Variants in RBMX observed in about 807,000 individuals in gnomAD.
RBMX encodes RNA binding motif protein X-linked.
RBMX carries 1 observed loss-of-function variant against 29.3 expected under a neutral mutation model. That is an observed-to-expected ratio of 0.03 (90% CI 0.01 to 0.16). The LOEUF (loss-of-function observed/expected upper bound fraction) is 0.16, where lower values mean the gene tolerates loss of function less well. RBMX is among the 10% of genes least tolerant of loss of function. RBMX has a pLI of 1.00. For missense variants in RBMX, 121 were observed against 333.2 expected, an observed-to-expected ratio of 0.36 and a Z score of 4.96; for synonymous variants, 102 against 102.3, an observed-to-expected ratio of 1.00 and a Z score of 0.02.
chrX:136,877,819 G>A (rs1414142719), intron 4 of RBMX, 96 bp downstream of exon 4: 26 of 870,852 alleles, frequency 3.0e-5, no homozygotes, highest in South Asian at 7.1e-5. Context: ...TCAAAAGTTG[G>A]CACCTTTCCT....
intron 4 of RBMX, among the ~76,000 whole-genome samples, chrX:136,877,247 G>A (rs768162658): frequency 2.0e-5 from 2 of 101,934 alleles, no homozygotes; most frequent in African/African-American, 3.6e-5. Flanking sequence ...CAGGACAATC[G>A]CCTGAACCTG....
chrX:136,875,005 GCAC>G, intron 8 of RBMX, 78 bp downstream of exon 8: 1 of 1,165,488 alleles, frequency 8.6e-7, no homozygotes. Context: ...TTAAAAGCAA[GCAC>G]CACACAGCCT....
chrX:136,876,080 G>A (rs920179300), intron 5 of RBMX, among the ~76,000 whole-genome samples: 1 of 107,219 alleles, frequency 9.3e-6, no homozygotes, highest in African/African-American at 3.4e-5. Flanking sequence ...GATTACAGGC[G>A]TGAGCCACCG....
downstream of RBMX, among the ~76,000 whole-genome samples, chrX:136,870,882 G>A (rs1472424000): frequency 2.9e-5 from 3 of 102,672 alleles, no homozygotes; most frequent in Admixed American, 1.1e-4. Context: ...CGAGGCGGGC[G>A]GATCACCTGA....
rs1180595054 is a variant in RBMX at position 136,873,500 on chromosome X, G to A, written c.*642C>T. 1.3e-6 allele frequency: 1 copy of A among 751,373 alleles called. No homozygotes were observed. The highest frequency in any genetic ancestry group is 2.3e-5 in the African/African-American group (1 of 43,284). The allele number at this position is 751,373 out of a possible 1,213,427, so 61.9% of individuals were successfully genotyped here. On this transcript the variant is annotated 3_prime_UTR_variant, in exon 9 of 9. Transcript: ENST00000320676. The stretch of plus-strand genomic sequence containing the variant: ...ACTTTTTATTTAGTATTCTGTAGTT[G>A]TTTAACACACACTTAAATGGTCTTA...
intron 4 of RBMX, 72 bp downstream of exon 4, chrX:136,877,843 A>G: frequency 9.7e-7 from 1 of 1,033,390 alleles, no homozygotes; most frequent in Non-Finnish European, 1.3e-6. Context: ...GGACTTAACC[A>G]AAGCATCCAC....
intron 4 of RBMX, among the ~76,000 whole-genome samples, chrX:136,877,703 T>C (rs1007465505): frequency 8.9e-5 from 10 of 112,044 alleles, no homozygotes; most frequent in Non-Finnish European, 5.6e-5. Context: ...AGTGAACTAC[T>C]TGGACAAGAA....
Position 136,875,322 on chromosome X carries a change from C to A in RBMX, c.718G>T (p.Asp240Tyr). 8.3e-7 allele frequency: 1 copy of A among 1,211,617 alleles called. No individual in the cohort carries two copies. Among genetic ancestry groups the A allele is most frequent in the Non-Finnish European group, 1.1e-6 (1 of 895,445 alleles). ...DTRDYAPPPR[D>Y]YTYRDYGHSS... ...TGACCATAATCACGGTAAGTATAAT[C>A]TCGTGGTGGTGGTGCATAATCTCTA... The change falls in exon 7 of 9, where the codon GAT becomes TAT. Residue 240 changes from aspartate (D) to tyrosine (Y), a missense_variant. Physicochemically the swap from Asp to Tyr is radical, Grantham distance 160 (BLOSUM62 -3). Transcript: ENST00000320676.
chrX:136,875,810 T>TC (rs1203200725), intron 5 of RBMX, among the ~76,000 whole-genome samples: 1 of 110,906 alleles, frequency 9.0e-6, no homozygotes, highest in Non-Finnish European at 1.9e-5. Flanking sequence ...AGTTTTGTTT[T>TC]TTTTTTTTGA....
intron 8 of RBMX, 108 bp from the exon 9 acceptor site, chrX:136,874,560 T>G (rs1302745673): frequency 1.0e-6 from 1 of 978,109 alleles, no homozygotes; most frequent in African/African-American, 1.9e-5. Context: ...CTTTCTCAAC[T>G]GGGTGGGAGG....
intron 8 of RBMX, chrX:136,874,739 A>AT: frequency 2.6e-6 from 1 of 386,158 alleles, no homozygotes; most frequent in Admixed American, 5.3e-5. Flanking sequence ...CTTTCCAGTG[A>AT]TAAGTTGCAA....
chrX:136,879,197 G>C, intron 2 of RBMX, 74 bp from the exon 3 acceptor site: 1 of 1,204,943 alleles, frequency 8.3e-7, no homozygotes, highest in South Asian at 1.8e-5. Context: ...TGTGTAAACA[G>C]AAAGCTCAGA....
intron 4 of RBMX, 61 bp from the exon 5 acceptor site, chrX:136,876,716 GTT>G (rs199725935): frequency 7.1e-4 from 565 of 801,037 alleles, no homozygotes; most frequent in East Asian, 1.3e-3. Flanking sequence ...AGATATAAAA[GTT>G]TTTTTTTTTT....
intron 3 of RBMX, among the ~76,000 whole-genome samples, chrX:136,878,349 A>C (rs370016704): frequency 1.9e-4 from 21 of 111,479 alleles, no homozygotes; most frequent in African/African-American, 6.8e-4. Context: ...AAAATTTAAA[A>C]CAAGGCCAAG....
In RBMX at chrX:136,876,510, T is replaced by A. The variant is rs2077731682; in HGVS notation, c.534A>T (p.Gly178=). 1.7e-6 allele frequency: 2 copies of A among 1,182,731 alleles called. No individual in the cohort carries two copies. The highest frequency in any genetic ancestry group is 3.6e-5 in the African/African-American group (2 of 55,181). ...SGPVRSSSGM[G]GRAPVSRGRD... Reference sequence around the variant, plus strand: ...CATACATGGAACATTTACCTCTTCCTCCCATTCCACTGCTACTGCGAACTG... The same window carrying A: ...CATACATGGAACATTTACCTCTTCCACCCATTCCACTGCTACTGCGAACTG... The change falls in exon 5 of 9, where the codon GGA becomes GGT. Residue 178 remains glycine (G), a synonymous_variant. Transcript: ENST00000320676.
rs1488964089 is a variant in RBMX at position 136,875,328 on chromosome X, G to T, written c.712C>A (p.Pro238Thr). ...TAATCACGGTAAGTATAATCTCGTG[G>T]TGGTGGTGCATAATCTCTAGTATCA... Reference protein sequence around the residue: ...SRDTRDYAPPPRDYTYRDYGH... With the variant: ...SRDTRDYAPPTRDYTYRDYGH... Residue 238 changes from proline to threonine, a missense_variant, in exon 7 of 9, where the codon CCA becomes ACA. Coordinates refer to ENST00000320676, the MANE Select transcript of RBMX (RefSeq NM_002139.4). 8.3e-7 allele frequency: 1 copy of T among 1,211,648 alleles called. No homozygotes were observed. The highest frequency in any genetic ancestry group is 1.1e-6 in the Non-Finnish European group (1 of 895,427).
Position 136,879,304 on chromosome X carries a change from T to C in RBMX, c.109+15A>G, listed in dbSNP as rs778165876. 1.7e-6 allele frequency: 2 copies of C among 1,193,266 alleles called. No individual in the cohort carries two copies. Among genetic ancestry groups the C allele is most frequent in the Non-Finnish European group, 2.3e-6 (2 of 880,144 alleles). On this transcript the variant is annotated intron_variant, in intron 2 of 8. Coordinates refer to ENST00000320676, the MANE Select transcript of RBMX (RefSeq NM_002139.4). ...TTAATTATAATAGCCCAGCCTGTAC[T>C]GCCAGACAACTCACCTTCCACTATT...
At chrX:136,879,192 A>G in intron 2 of RBMX, 69 bp from the exon 3 acceptor site, 2 of 1,207,088 alleles carry the variant, frequency 1.7e-6, no homozygotes, top group Non-Finnish European at 1.1e-6. Flanking sequence ...GTAAATGTGT[A>G]AACAGAAAGC....
downstream of RBMX, among the ~76,000 whole-genome samples, chrX:136,871,955 G>A (rs1169686558): frequency 1.8e-5 from 2 of 110,443 alleles, no homozygotes; most frequent in African/African-American, 6.6e-5. Flanking sequence ...GCCCAGCTGA[G>A]CAAACTTCTT....
Sources: gnomAD v4.1 joint callset for allele counts (sites outside exome capture counted in the v4.1 genomes callset) on GRCh38, gnomAD v4.1.1 for gene constraint, MANE v1.5 for transcripts, NCBI Gene and HGNC (gene_info 2026-07-23, HGNC 2026-07-21) for gene names.